Variants in ZFHX3 observed in about 807,000 individuals in gnomAD.
ZFHX3 encodes zinc finger homeobox protein 3.
A neutral mutation model predicts 279.1 loss-of-function variants in ZFHX3; 42 were observed. The observed-to-expected ratio is 0.15, with a 90% confidence interval of 0.12 to 0.19. ZFHX3 has a LOEUF of 0.19. Among genes scored for constraint, ZFHX3 ranks in the 10% least tolerant of loss-of-function variants. The pLI, the probability that ZFHX3 is intolerant of heterozygous loss-of-function variation, is 1.00. For synonymous variants in ZFHX3, 2,293 were observed against 1,957.8 expected (o/e 1.17, Z -4.52); for missense variants, 4,981 against 4,754.0 (o/e 1.05, Z -1.40).
intron 4 of ZFHX3, among the ~76,000 whole-genome samples, chr16:73,299,956 T>A (rs551904173): frequency 2.0e-5 from 3 of 152,344 alleles, no homozygotes; most frequent in Non-Finnish European, 4.4e-5. Context: ...TGTTCTCATC[T>A]GAAGTCTCTA....
At chr16:73,127,619 G>A (rs538075527) in intron 7 of ZFHX3, 1 of 1,290,930 alleles carries the variant, frequency 7.7e-7, no homozygotes, top group South Asian at 1.3e-5. Flanking sequence ...GGCAAGAAAG[G>A]AACAGGGTGC....
At chr16:73,031,036 G>C (rs1192445794) in intron 1 of ZFHX3, among the ~76,000 whole-genome samples, 1 of 152,118 alleles carries the variant, frequency 6.6e-6, no homozygotes, top group Non-Finnish European at 1.5e-5. Context: ...CCTAGCCTTG[G>C]CTTCTTTCTT....
At chr16:72,875,877 G>A (rs924050751) in intron 4 of ZFHX3, among the ~76,000 whole-genome samples, 2 of 152,190 alleles carry the variant, frequency 1.3e-5, no homozygotes, top group Admixed American at 6.5e-5. Context: ...CCTTTGCAGA[G>A]TTTTACAGCC....
chr16:73,022,920 G>C (rs1964357176), intron 1 of ZFHX3, among the ~76,000 whole-genome samples: 1 of 151,960 alleles, frequency 6.6e-6, no homozygotes, highest in Non-Finnish European at 1.5e-5. Flanking sequence ...TCTGTGAAAT[G>C]TGCCCATGTT....
intron 2 of ZFHX3, among the ~76,000 whole-genome samples, chr16:73,596,049 C>T (rs2052046671): frequency 6.8e-6 from 1 of 147,782 alleles, no homozygotes; most frequent in African/African-American, 2.6e-5. Flanking sequence ...GAGACAGAGT[C>T]TGGCTCTGTC....
chr16:73,247,609 TG>T (rs2013330497), intron 5 of ZFHX3, among the ~76,000 whole-genome samples: 2 of 151,826 alleles, frequency 1.3e-5, no homozygotes, highest in African/African-American at 4.8e-5. Context: ...TCTGTGTATA[TG>T]TACCTGTATG....
intron 2 of ZFHX3, among the ~76,000 whole-genome samples, chr16:73,567,103 C>T (rs768177131): frequency 1.5e-4 from 23 of 152,216 alleles, no homozygotes; most frequent in Non-Finnish European, 2.6e-4. Context: ...CCCACCTCAG[C>T]CTCCCAAAGT....
intron 2 of ZFHX3, among the ~76,000 whole-genome samples, chr16:73,544,688 G>A (rs1406704330): frequency 6.6e-6 from 1 of 152,170 alleles, no homozygotes; most frequent in Non-Finnish European, 1.5e-5. Context: ...GTGGGAAGGA[G>A]GGTTTCGGCA....
chr16:73,376,583 G>A (rs927976300), intron 3 of ZFHX3, among the ~76,000 whole-genome samples: 3 of 152,158 alleles, frequency 2.0e-5, no homozygotes, highest in East Asian at 3.8e-4. Flanking sequence ...CAGCCATGTC[G>A]TGCTTTTTGC....
intron 1 of ZFHX3, among the ~76,000 whole-genome samples, chr16:73,779,749 C>T (rs994786304): frequency 6.6e-6 from 1 of 152,096 alleles, no homozygotes; most frequent in Non-Finnish European, 1.5e-5. Flanking sequence ...GAAAGAGTCT[C>T]GTTCTGTCGT....
At chr16:73,676,787 G>A (rs2052958993) in intron 2 of ZFHX3, among the ~76,000 whole-genome samples, 1 of 142,146 alleles carries the variant, frequency 7.0e-6, no homozygotes, top group South Asian at 2.2e-4. Flanking sequence ...ATACACTAAA[G>A]AGATACAAAT....
intron 1 of ZFHX3, among the ~76,000 whole-genome samples, chr16:72,963,873 A>T (rs1429358508): frequency 6.6e-6 from 1 of 152,184 alleles, no homozygotes; most frequent in Non-Finnish European, 1.5e-5. Context: ...GCACTGTGTA[A>T]TTTTAAATTG....
chr16:73,335,904 C>T (rs542012044), intron 3 of ZFHX3, among the ~76,000 whole-genome samples: 2 of 152,242 alleles, frequency 1.3e-5, no homozygotes, highest in Non-Finnish European at 2.9e-5. Flanking sequence ...TCACTGCCTT[C>T]ATGCCCTCAC....
chr16:72,855,616 T>A (rs1268867649), intron 4 of ZFHX3, among the ~76,000 whole-genome samples: 1 of 152,152 alleles, frequency 6.6e-6, no homozygotes, highest in Non-Finnish European at 1.5e-5. Flanking sequence ...GGTTCCAAGA[T>A]TCATCTGGAA....
At chr16:73,231,563 T>A (rs2012773460) in intron 5 of ZFHX3, among the ~76,000 whole-genome samples, 1 of 152,220 alleles carries the variant, frequency 6.6e-6, no homozygotes, top group Non-Finnish European at 1.5e-5. Flanking sequence ...TTGTCCTGCA[T>A]ACCTTTTCCT....
At chr16:73,536,965 G>A (rs1172540713) in intron 2 of ZFHX3, among the ~76,000 whole-genome samples, 3 of 152,186 alleles carry the variant, frequency 2.0e-5, no homozygotes, top group Non-Finnish European at 4.4e-5. Flanking sequence ...AACTCACACA[G>A]TGAGCAGCGG....
At chr16:73,391,106 C>G (rs1450979362) in intron 3 of ZFHX3, among the ~76,000 whole-genome samples, 4 of 152,162 alleles carry the variant, frequency 2.6e-5, no homozygotes, top group African/African-American at 4.8e-5. Flanking sequence ...GTGGGAGGCA[C>G]AGCCTGCACA....
intron 5 of ZFHX3, among the ~76,000 whole-genome samples, chr16:73,211,439 A>AT (rs2012013780): frequency 6.6e-6 from 1 of 152,144 alleles, no homozygotes; most frequent in Admixed American, 6.5e-5. Context: ...AAATTTATCC[A>AT]TTTTTTAAAA....
At chr16:73,695,035 C>G (rs572046736) in intron 1 of ZFHX3, among the ~76,000 whole-genome samples, 24 of 152,358 alleles carry the variant, frequency 1.6e-4, no homozygotes, top group Admixed American at 2.0e-4. Context: ...CTCAGAGGCA[C>G]AGCGCTGCCT....
Sources: allele counts gnomAD v4.1 joint callset (sites outside exome capture counted in the v4.1 genomes callset), GRCh38; gene constraint gnomAD v4.1.1; transcripts MANE v1.5; gene names NCBI Gene and HGNC (gene_info 2026-07-23, HGNC 2026-07-21).